The following SHANK2 variants were observed in gnomAD, a reference collection of about 807,000 sequenced individuals.
The protein encoded by SHANK2 is SH3 and multiple ankyrin repeat domains 2.
A neutral mutation model predicts 133.7 loss-of-function variants in SHANK2; 43 were observed. The observed-to-expected ratio is 0.32, with a 90% CI of 0.25 to 0.41. SHANK2 has a LOEUF of 0.41. SHANK2 is among the 10% of genes least tolerant of loss of function. SHANK2 has a pLI of 1.00. For synonymous variants in SHANK2, 1,017 were observed against 952.8 expected, an observed-to-expected ratio of 1.07 and a Z score of -1.24; for missense variants, 1,994 against 2,235.8, an observed-to-expected ratio of 0.89 and a Z score of 2.18.
chr11:70,606,752 G>A (rs1423898727), intron 17 of SHANK2, among the ~76,000 whole-genome samples: 2 of 152,124 alleles, frequency 1.3e-5, no homozygotes, highest in Non-Finnish European at 1.5e-5. Flanking sequence ...GGAATGGACC[G>A]TCTGCTCCTT....
At chr11:70,803,765 A>G (rs1208003030) in intron 13 of SHANK2, among the ~76,000 whole-genome samples, 1 of 151,484 alleles carries the variant, frequency 6.6e-6, no homozygotes, top group African/African-American at 2.4e-5. Context: ...GAGTGGAGGG[A>G]AGAATGTGCC....
At chr11:70,661,574 G>A (rs1555013307) in intron 16 of SHANK2, 22 bp downstream of exon 16, 3 of 1,575,254 alleles carry the variant, frequency 1.9e-6, no homozygotes, top group South Asian at 2.2e-5. Context: ...AACATATTCA[G>A]GCTCAGAGCG....
At chr11:70,942,502 C>T (rs1950661605) in intron 10 of SHANK2, 1 of 455,874 alleles carries the variant, frequency 2.2e-6, no homozygotes, top group South Asian at 1.6e-5. Context: ...AACCCAAACA[C>T]CTTCCACTAG....
At chr11:71,235,037 A>G (rs1954808011) in intron 1 of SHANK2, among the ~76,000 whole-genome samples, 1 of 152,182 alleles carries the variant, frequency 6.6e-6, no homozygotes, top group South Asian at 2.1e-4. Flanking sequence ...CTACAACACG[A>G]ATCATCCTCT....
chr11:70,910,771 C>T (rs1950179027), intron 10 of SHANK2, among the ~76,000 whole-genome samples: 1 of 150,734 alleles, frequency 6.6e-6, no homozygotes, highest in Non-Finnish European at 1.5e-5. Flanking sequence ...CGCACAACTG[C>T]ACTCCAGCCT....
chr11:71,188,931 C>T lies in SHANK2; in HGVS notation c.-13+35766G>A, dbSNP rs1034110169. 1.3e-5 allele frequency among the ~76,000 whole-genome samples: 2 copies of T among 152,178 alleles called. No individual in the cohort carries two copies. Among genetic ancestry groups the T allele is most frequent in the African/African-American group, 2.4e-5 (1 of 41,440 alleles). ...TGGGGTTCTCTCAATACAGCAGGAG[C>T]GGGCCCCAGCTCCACGGCCCCCCAC... On this transcript the variant is annotated intron_variant, in intron 2 of 25. Transcript: ENST00000601538. The surrounding 1 kb of genome is among the most constrained non-coding windows in gnomAD (Gnocchi z 4.6).
intron 14 of SHANK2, among the ~76,000 whole-genome samples, chr11:70,701,113 C>T (rs1354621528): frequency 6.6e-6 from 1 of 152,042 alleles, no homozygotes. Flanking sequence ...AATCGGAGGC[C>T]GGGGCCAGAA....
At position 70,472,738 on chromosome 11, in the gene SHANK2, TTTGGGTAC is replaced by T; in HGVS notation, c.*123_*130del. 1.1e-6 allele frequency: 1 copy of T among 916,066 alleles called. No individual in the cohort carries two copies. The highest frequency in any genetic ancestry group is 1.8e-6 in the Non-Finnish European group (1 of 557,906). The allele number at this position is 916,066 out of a possible 1,614,324, so 56.7% of individuals were successfully genotyped here. A position where few individuals can be genotyped will look rare whatever the true frequency, so the allele number is the denominator to read the frequency against. ...TGTTGTGGACACAACTCAGTATTTCTTTGGGTACCAGGAGACAAACCCATGGAGTGGGG... is the reference window on the plus strand; with the variant it reads ...TGTTGTGGACACAACTCAGTATTTCTCAGGAGACAAACCCATGGAGTGGGG... On this transcript the variant is annotated 3_prime_UTR_variant, in exon 26 of 26. Transcript: ENST00000601538. The surrounding 1 kb of genome is among the most constrained non-coding windows in gnomAD (Gnocchi z 4.4).
At chr11:70,867,116 TAAAA>T (rs34341953) in intron 11 of SHANK2, among the ~76,000 whole-genome samples, 2 of 137,888 alleles carry the variant, frequency 1.5e-5, no homozygotes, top group Non-Finnish European at 1.6e-5. Flanking sequence ...TCGGTGTATT[TAAAA>T]AAAAAAAAAA....
chr11:70,571,160 C>T (rs544722685), intron 17 of SHANK2: 1 of 152,360 alleles, frequency 6.6e-6, no homozygotes, highest in Admixed American at 6.5e-5. Context: ...GGAGTGTCCA[C>T]TCTGGGGTCA....
rs2058603813 is a variant in SHANK2, at chr11:70,472,144, ATT to A, written c.*723_*724del. On this transcript the variant is annotated 3_prime_UTR_variant, in exon 26 of 26. Coordinates refer to ENST00000601538, the MANE Select transcript of SHANK2 (RefSeq NM_012309.5). This position sits in a 1 kb window ranked among gnomAD's most constrained non-coding sequence, Gnocchi z 4.4. ...GTGACATCTGCTTGGCCACCTTGGA[ATT>A]ATGCTAACAGATTTGCAGAAATAAA... 5 of 152,816 alleles carry A rather than the reference ATT, an allele frequency of 3.3e-5. No individual in the cohort carries two copies. The highest frequency in any genetic ancestry group is 1.5e-5 in the Non-Finnish European group (1 of 68,172). The allele number at this position is 152,816 out of a possible 1,614,324, so 9.5% of individuals were successfully genotyped here. A position where few individuals can be genotyped will look rare whatever the true frequency, so the allele number is the denominator to read the frequency against.
At chr11:71,121,376 G>T (rs566642422) in intron 3 of SHANK2, among the ~76,000 whole-genome samples, 34 of 152,214 alleles carry the variant, frequency 2.2e-4, no homozygotes, top group Non-Finnish European at 4.0e-4. Context: ...CTTTGCAGAC[G>T]TAATCAAGTT....
At chr11:70,794,370 G>A (rs895838400) in intron 14 of SHANK2, among the ~76,000 whole-genome samples, 8 of 151,762 alleles carry the variant, frequency 5.3e-5, no homozygotes, top group South Asian at 4.2e-4. Flanking sequence ...AGTTGGGCCC[G>A]AGAGTACAAG....
chr11:71,237,139 C>T lies in SHANK2; in HGVS notation c.-112-12343G>A, dbSNP rs78916937. Among the ~76,000 whole-genome samples the T allele has an allele frequency of 5.7e-3, 862 of 152,328 alleles. 5 individuals are homozygous for T. The highest frequency in any genetic ancestry group is 0.02 in the African/African-American group (834 of 41,578). On this transcript the variant is annotated intron_variant, in intron 1 of 25. Transcript: ENST00000601538. Reference sequence around the variant, plus strand: ...GCAGCAAATGTGATGCAAGCAAATACTGCAGACCATGGCATCCTGAAGCTC... The same window carrying T: ...GCAGCAAATGTGATGCAAGCAAATATTGCAGACCATGGCATCCTGAAGCTC...
In SHANK2 at chr11:70,500,674, G is replaced by A; in HGVS notation, c.2288-84C>T. 1.9e-6 allele frequency: 3 copies of A among 1,549,554 alleles called. No individual in the cohort carries two copies. Among genetic ancestry groups the A allele is most frequent in the South Asian group, 2.4e-5 (2 of 84,346 alleles). The stretch of plus-strand genomic sequence containing the variant: ...TACACTCGGGCCTTGTCAGCTCAGG[G>A]CGCCTCAGGAGCAGGCTGGGCCGGC... On this transcript the variant is annotated intron_variant, in intron 20 of 25. Coordinates refer to ENST00000601538, the MANE Select transcript of SHANK2 (RefSeq NM_012309.5). The surrounding 1 kb of genome is among the most constrained non-coding windows in gnomAD (Gnocchi z 4.5).
At chr11:70,855,192 G>A (rs980772423) in intron 11 of SHANK2, among the ~76,000 whole-genome samples, 1 of 152,198 alleles carries the variant, frequency 6.6e-6, no homozygotes, top group Non-Finnish European at 1.5e-5. Flanking sequence ...CAGCTTCCCT[G>A]CACGTTCTCC....
rs572630909 is a variant in SHANK2 at position 70,878,386 on chromosome 11, C to T, written c.1174+18115G>A. Among the ~76,000 whole-genome samples, 7 of 152,314 alleles carry T rather than the reference C, an allele frequency of 4.6e-5. No homozygotes were observed. In the South Asian group the frequency reaches 6.2e-4, roughly 14 times the overall value. Reference sequence around the variant, plus strand: ...CCCTCCACATAGAAGGGAGAAAATTCGGAACAAACATACAGGGCATCATCA... The same window carrying T: ...CCCTCCACATAGAAGGGAGAAAATTTGGAACAAACATACAGGGCATCATCA... On this transcript the variant is annotated intron_variant, in intron 11 of 25. Transcript: ENST00000601538.
At chr11:70,489,471 T>C (rs1274509566) in intron 23 of SHANK2, 123 bp from the exon 24 acceptor site, 8 of 907,402 alleles carry the variant, frequency 8.8e-6, no homozygotes, top group African/African-American at 8.1e-5. Flanking sequence ...GGCCACTTAC[T>C]GCCTAGTGAC....
chr11:71,058,087 G>A (rs1034791288), intron 9 of SHANK2, among the ~76,000 whole-genome samples: 9 of 151,334 alleles, frequency 5.9e-5, no homozygotes, highest in Non-Finnish European at 1.0e-4. Context: ...GTAGAGACGA[G>A]GTCCCCCGTG....
Sources: gnomAD v4.1 joint callset for allele counts (sites outside exome capture counted in the v4.1 genomes callset) on GRCh38, gnomAD v4.1.1 for gene constraint, Gnocchi (gnomAD v3.1) non-coding constraint, MANE v1.5 for transcripts, NCBI Gene and HGNC (gene_info 2026-07-23, HGNC 2026-07-21) for gene names.